RCAN2: variants seen among roughly 807,000 people sequenced by gnomAD.
The protein encoded by RCAN2 is calcipressin-2.
RCAN2 carries 9 observed loss-of-function variants against 23.6 expected under a neutral mutation model. That is an observed-to-expected ratio of 0.38 (90% CI 0.23 to 0.67). The LOEUF is 0.67. RCAN2 is among the 30% of genes least tolerant of loss of function. The probability of loss-of-function intolerance (pLI) is 0.51; values close to 1 mark genes in which losing one functional copy is unlikely to be tolerated. For missense variants in RCAN2, 273 were observed against 302.3 expected, an observed-to-expected ratio of 0.90 and a Z score of 0.72; for synonymous variants, 109 against 115.7, an observed-to-expected ratio of 0.94 and a Z score of 0.37.
At chr6:46,373,127 G>A (rs781304759) in intron 2 of RCAN2, among the ~76,000 whole-genome samples, 1 of 152,088 alleles carries the variant, frequency 6.6e-6, no homozygotes, top group Non-Finnish European at 1.5e-5. Context: ...TGCTTTCTTT[G>A]GGTTTCTAAG....
chr6:46,333,544 G>T (rs1764050756), intron 2 of RCAN2, among the ~76,000 whole-genome samples: 2 of 152,132 alleles, frequency 1.3e-5, no homozygotes, highest in African/African-American at 2.4e-5. Flanking sequence ...GGAAACACTG[G>T]GTTAAAAGGC....
chr6:46,422,767 A>G lies in RCAN2; in HGVS notation c.225+33985T>C, dbSNP rs544850044. Among the ~76,000 whole-genome samples the G allele has an allele frequency of 2.6e-5, 4 of 152,342 alleles. No individual in the cohort carries two copies. The East Asian group carries it at 7.7e-4, about 29-fold the overall frequency. On this transcript the variant is annotated intron_variant, in intron 2 of 4. Transcript: ENST00000371374. ...TGCTGTACAAAGGCTGCAGAAAACC[A>G]AGTTCAGGCTGGGTGCCTATCTCAA...
intron 2 of RCAN2, among the ~76,000 whole-genome samples, chr6:46,437,738 A>G (rs1180091997): frequency 6.6e-6 from 1 of 152,196 alleles, no homozygotes; most frequent in Non-Finnish European, 1.5e-5. Flanking sequence ...CTGAGTGGTG[A>G]CAGAATCTTT....
At chr6:46,450,825 G>C (rs553787361) in intron 2 of RCAN2, among the ~76,000 whole-genome samples, 13 of 152,128 alleles carry the variant, frequency 8.5e-5, no homozygotes, top group Middle Eastern at 3.4e-3. Flanking sequence ...TGGACAGGAG[G>C]AATGAGTTCA....
chr6:46,461,687 G>C (rs931876860), intron 1 of RCAN2, among the ~76,000 whole-genome samples: 1 of 151,970 alleles, frequency 6.6e-6, no homozygotes. Flanking sequence ...CCGGGTTCAA[G>C]AGATTCTCCA....
At chr6:46,328,101 GC>G (rs1763852128) in intron 2 of RCAN2, among the ~76,000 whole-genome samples, 4 of 152,138 alleles carry the variant, frequency 2.6e-5, no homozygotes, top group South Asian at 2.1e-4. Context: ...GCTGTGATAT[GC>G]CCTGACCAGA....
chr6:46,245,791 G>A (rs1379441536), intron 4 of RCAN2, among the ~76,000 whole-genome samples: 2 of 152,068 alleles, frequency 1.3e-5, no homozygotes, highest in African/African-American at 2.4e-5. Flanking sequence ...CAGGCATTCA[G>A]ATTCTATTTT....
intron 2 of RCAN2, among the ~76,000 whole-genome samples, chr6:46,269,537 T>C (rs1429463015): frequency 1.3e-5 from 2 of 152,224 alleles, no homozygotes; most frequent in East Asian, 1.9e-4. Flanking sequence ...ATCTCACTAG[T>C]TATGTATCTT....
chr6:46,464,173 T>C (rs1561916446), intron 1 of RCAN2, among the ~76,000 whole-genome samples: 3 of 152,178 alleles, frequency 2.0e-5, no homozygotes, highest in Non-Finnish European at 4.4e-5. Flanking sequence ...CATTAATAAG[T>C]AATAGAAAAG....
intron 1 of RCAN2, among the ~76,000 whole-genome samples, chr6:46,475,600 C>T (rs1462202216): frequency 6.6e-6 from 1 of 152,116 alleles, no homozygotes; most frequent in Admixed American, 6.6e-5. Flanking sequence ...GAAATTATTT[C>T]TCTATAGTCA....
chr6:46,463,149 T>C (rs1470904950), intron 1 of RCAN2, among the ~76,000 whole-genome samples: 1 of 152,182 alleles, frequency 6.6e-6, no homozygotes, highest in Non-Finnish European at 1.5e-5. Flanking sequence ...TGGCCAATTC[T>C]GGGTACTGTC....
rs1768055551 is a variant in RCAN2, at chr6:46,456,972, C to T, written c.5G>A (p.Arg2Lys). Residue 2 changes from arginine to lysine, a missense_variant, in exon 2 of 5, where the codon AGG becomes AAG. By Grantham distance (26) the Arg-to-Lys change is conservative (BLOSUM62 2). Transcript: ENST00000371374. ...CATTCCGATGAAGTATGATTCTCCC[C>T]TCATTCCTGGGGATACAAAGATGAG... The part of the protein sequence containing the change: M[R>K]GESYFIGMRS... 5 of 1,549,108 alleles carry T rather than the reference C, an allele frequency of 3.2e-6. No individual in the cohort carries two copies. Among genetic ancestry groups the T allele is most frequent in the Non-Finnish European group, 4.4e-6 (5 of 1,145,522 alleles).
At chr6:46,338,992 G>A (rs919226374) in intron 2 of RCAN2, among the ~76,000 whole-genome samples, 2 of 121,342 alleles carry the variant, frequency 1.6e-5, no homozygotes, top group Non-Finnish European at 3.3e-5. Context: ...TCCAGCCTGG[G>A]TGACAAAGCG....
chr6:46,393,248 G>A (rs908444627), intron 2 of RCAN2, among the ~76,000 whole-genome samples: 2 of 151,992 alleles, frequency 1.3e-5, no homozygotes, highest in Admixed American at 1.3e-4. Flanking sequence ...TTTTGGGGTT[G>A]GTGTCTATGC....
chr6:46,491,416 C>T lies in RCAN2; in HGVS notation c.-246G>A, dbSNP rs968297074. ...GCCTGCTGCCCGCTCCTCCCCGCAA[C>T]CTCCGCCGCCGTCACCCGGGACAAA... On this transcript the variant is annotated 5_prime_UTR_variant, in exon 1 of 5. Coordinates refer to ENST00000371374, the MANE Select transcript of RCAN2 (RefSeq NM_001251974.2). 1 of 152,344 alleles carries T rather than the reference C, an allele frequency of 6.6e-6. No individual in the cohort carries two copies. The highest frequency in any genetic ancestry group is 1.5e-5 in the Non-Finnish European group (1 of 68,240). The allele number at this position is 152,344 out of a possible 1,614,324, so 9.4% of individuals were successfully genotyped here.
intron 2 of RCAN2, among the ~76,000 whole-genome samples, chr6:46,295,901 C>T (rs1762709377): frequency 6.6e-6 from 1 of 150,736 alleles, no homozygotes; most frequent in African/African-American, 2.4e-5. Flanking sequence ...AATTTGTTCT[C>T]AATGAAAGTG....
At chr6:46,320,046 CTCTAGAGGGTTTACCATT>C (rs542854473) in intron 2 of RCAN2, among the ~76,000 whole-genome samples, 122 of 152,288 alleles carry the variant, frequency 8.0e-4, no homozygotes, top group African/African-American at 2.8e-3. Context: ...CCATGAATAC[CTCTAGAGGGTTTACCATT>C]TCTGAGGATT....
At chr6:46,376,997 T>C (rs1343836843) in intron 2 of RCAN2, among the ~76,000 whole-genome samples, 1 of 152,048 alleles carries the variant, frequency 6.6e-6, no homozygotes, top group Non-Finnish European at 1.5e-5. Flanking sequence ...AGAGATGTAA[T>C]TTTATAAGGC....
intron 2 of RCAN2, among the ~76,000 whole-genome samples, chr6:46,342,625 C>T (rs1213426060): frequency 1.3e-5 from 2 of 150,990 alleles, no homozygotes; most frequent in Non-Finnish European, 1.5e-5. Context: ...TTCTTTCAAA[C>T]CCAGAGATCT....
Sources: allele counts gnomAD v4.1 joint callset (sites outside exome capture counted in the v4.1 genomes callset), GRCh38; gene constraint gnomAD v4.1.1; transcripts MANE v1.5; gene names NCBI Gene and HGNC (gene_info 2026-07-23, HGNC 2026-07-21).